Variants in PARD3 observed in about 807,000 individuals in gnomAD.
PARD3 encodes the protein par-3 family cell polarity regulator.
Under a neutral mutation model 155.4 loss-of-function variants are expected in PARD3, and 75 were observed. The ratio of observed to expected loss-of-function variants is 0.48; its 90% CI spans 0.40 to 0.58. PARD3 has a LOEUF of 0.58. PARD3 is among the 20% of genes least tolerant of loss of function. The probability of loss-of-function intolerance (pLI) is 0.00; values close to 1 mark genes in which losing one functional copy is unlikely to be tolerated. For synonymous variants in PARD3, 576 were observed against 610.5 expected (o/e 0.94, Z 0.83); for missense variants, 1,642 against 1,721.7 (o/e 0.95, Z 0.82).
At chr10:34,490,338 G>T (rs1445308765) in intron 3 of PARD3, among the ~76,000 whole-genome samples, 3 of 152,114 alleles carry the variant, frequency 2.0e-5, no homozygotes, top group Non-Finnish European at 4.4e-5. Context: ...TTTATTATTA[G>T]GGGATTTGTG....
intron 1 of PARD3, among the ~76,000 whole-genome samples, chr10:34,813,643 T>C (rs1356682836): frequency 1.3e-5 from 2 of 152,228 alleles, no homozygotes; most frequent in East Asian, 3.8e-4. Context: ...TTCCAATATA[T>C]ACTAAAAGCA....
intron 22 of PARD3, among the ~76,000 whole-genome samples, chr10:34,192,278 G>C (rs773677403): frequency 1.3e-5 from 2 of 151,840 alleles, no homozygotes; most frequent in Non-Finnish European, 2.9e-5. Flanking sequence ...TTTTGTTTTG[G>C]GTAGAGACAG....
At chr10:34,604,442 C>T (rs2090050510) in intron 2 of PARD3, among the ~76,000 whole-genome samples, 1 of 152,016 alleles carries the variant, frequency 6.6e-6, no homozygotes, top group Non-Finnish European at 1.5e-5. Context: ...GATGCTTCCT[C>T]CCCTCAAATA....
At chr10:34,422,526 T>C (rs1361601068) in intron 5 of PARD3, among the ~76,000 whole-genome samples, 2 of 151,888 alleles carry the variant, frequency 1.3e-5, no homozygotes, top group Admixed American at 1.3e-4. Flanking sequence ...GGAAATTATA[T>C]ATCTGGTAAG....
intron 2 of PARD3, among the ~76,000 whole-genome samples, chr10:34,624,294 C>T (rs1255031928): frequency 3.3e-5 from 5 of 152,146 alleles, no homozygotes; most frequent in African/African-American, 4.8e-5. Context: ...CAGCTTTGAC[C>T]TATCAAGCAT....
chr10:34,684,048 G>C (rs568002583), intron 2 of PARD3, among the ~76,000 whole-genome samples: 2 of 152,156 alleles, frequency 1.3e-5, no homozygotes. Context: ...ATTTATACAA[G>C]TTATTTCATT....
At chr10:34,728,226 T>A (rs2094753286) in intron 1 of PARD3, among the ~76,000 whole-genome samples, 1 of 152,180 alleles carries the variant, frequency 6.6e-6, no homozygotes, top group Non-Finnish European at 1.5e-5. Context: ...TAGAAAACAC[T>A]CAAATTTAGG....
intron 20 of PARD3, among the ~76,000 whole-genome samples, chr10:34,296,481 G>A (rs924192219): frequency 2.6e-5 from 4 of 152,032 alleles, no homozygotes; most frequent in African/African-American, 4.8e-5. Flanking sequence ...TCCCTGTCTC[G>A]GCCTCCCAAA....
intron 3 of PARD3, among the ~76,000 whole-genome samples, chr10:34,503,264 G>A (rs80327260): frequency 7.9e-5 from 12 of 152,082 alleles, no homozygotes; most frequent in East Asian, 1.9e-4. Context: ...ACAAATTAAC[G>A]AATGAGTCGG....
At chr10:34,308,573 G>A (rs1243257236) in intron 20 of PARD3, among the ~76,000 whole-genome samples, 1 of 152,172 alleles carries the variant, frequency 6.6e-6, no homozygotes, top group African/African-American at 2.4e-5. Context: ...TCTGAGAAAG[G>A]GAAGGCTCGC....
intron 22 of PARD3, among the ~76,000 whole-genome samples, chr10:34,136,310 T>C (rs950133636): frequency 3.3e-5 from 5 of 152,226 alleles, no homozygotes; most frequent in Non-Finnish European, 7.3e-5. Flanking sequence ...CCTTGCAGGC[T>C]TGAAGTCTCA....
chr10:34,639,891 A>G (rs935568854), intron 2 of PARD3, among the ~76,000 whole-genome samples: 1 of 152,128 alleles, frequency 6.6e-6, no homozygotes, highest in East Asian at 1.9e-4. Flanking sequence ...ACACACAGTA[A>G]AAGAGCAGAT....
intron 2 of PARD3, among the ~76,000 whole-genome samples, chr10:34,619,141 C>CCT (rs2132692801): frequency 6.6e-6 from 1 of 151,664 alleles, no homozygotes; most frequent in South Asian, 2.1e-4. Context: ...ACTTCCACCT[C>CCT]CTGGGTTCAA....
chr10:34,532,964 T>C (rs1451742743), intron 2 of PARD3, among the ~76,000 whole-genome samples: 5 of 152,180 alleles, frequency 3.3e-5, no homozygotes, highest in Non-Finnish European at 7.4e-5. Context: ...ACCTAAGCTA[T>C]TATGTTACAG....
intron 2 of PARD3, among the ~76,000 whole-genome samples, chr10:34,598,739 G>C (rs537381584): frequency 6.6e-6 from 1 of 152,248 alleles, no homozygotes; most frequent in East Asian, 1.9e-4. Flanking sequence ...AGTCCTGGGG[G>C]TACCAGCAGT....
intron 22 of PARD3, among the ~76,000 whole-genome samples, chr10:34,242,479 A>T (rs956796919): frequency 3.3e-5 from 5 of 152,132 alleles, no homozygotes; most frequent in Admixed American, 2.6e-4. Context: ...CCCCCAGACC[A>T]GTTCAACTCC....
At chr10:34,345,041 T>A (rs570743078) in intron 15 of PARD3, 47 of 984,564 alleles carry the variant, frequency 4.8e-5, no homozygotes, top group South Asian at 1.9e-4. Context: ...TCTGGAGACT[T>A]TCGAATAACT....
intron 2 of PARD3, among the ~76,000 whole-genome samples, chr10:34,652,071 T>C (rs1450791146): frequency 6.6e-6 from 1 of 152,214 alleles, no homozygotes; most frequent in Non-Finnish European, 1.5e-5. Flanking sequence ...GCAAGCTGGC[T>C]GGAATTTGCT....
chr10:34,125,763 G>T (rs1388093941), intron 23 of PARD3, among the ~76,000 whole-genome samples: 1 of 152,218 alleles, frequency 6.6e-6, no homozygotes, highest in Non-Finnish European at 1.5e-5. Context: ...TATTCACATT[G>T]CAGAGTATCA....
Sources: gnomAD v4.1 joint callset for allele counts (sites outside exome capture counted in the v4.1 genomes callset) on GRCh38, gnomAD v4.1.1 for gene constraint, MANE v1.5 for transcripts, NCBI Gene and HGNC (gene_info 2026-07-23, HGNC 2026-07-21) for gene names.